ADAM23: variants seen among roughly 807,000 people sequenced by gnomAD.
The protein encoded by ADAM23 is ADAM metallopeptidase domain 23, also known as disintegrin and metalloproteinase domain-containing protein 23.
In ADAM23, 33 loss-of-function variants were observed where a neutral mutation model predicts 120.1. The ratio of observed to expected loss-of-function variants is 0.27; its 90% CI spans 0.21 to 0.37. ADAM23 has a LOEUF of 0.37. Ranked by LOEUF, ADAM23 falls within the 10% of genes least tolerant of loss-of-function variation. ADAM23 has a pLI of 1.00. For synonymous variants in ADAM23, 367 were observed against 375.2 expected (o/e 0.98, Z 0.25); for missense variants, 862 against 1,058.2 (o/e 0.81, Z 2.57).
intron 2 of ADAM23, among the ~76,000 whole-genome samples, chr2:206,451,900 C>CG (rs1204293920): frequency 1.3e-5 from 2 of 152,164 alleles, no homozygotes; most frequent in African/African-American, 4.8e-5. Context: ...GGCTCCCCAG[C>CG]GAGCTTTACT....
At chr2:206,595,253 A>T (rs1698502692) in intron 23 of ADAM23, among the ~76,000 whole-genome samples, 2 of 152,222 alleles carry the variant, frequency 1.3e-5, no homozygotes, top group Admixed American at 1.3e-4. Flanking sequence ...ATTTCAGATT[A>T]AAAAGCTTCC....
At chr2:206,525,575 TTTTG>T (rs909608760) in intron 3 of ADAM23, among the ~76,000 whole-genome samples, 9 of 151,996 alleles carry the variant, frequency 5.9e-5, no homozygotes, top group Non-Finnish European at 1.0e-4. Flanking sequence ...AGAAGCATAT[TTTTG>T]TTTGTTTGTT....
intron 3 of ADAM23, among the ~76,000 whole-genome samples, chr2:206,493,328 ATATT>A (rs1696170047): frequency 6.6e-6 from 1 of 152,220 alleles, no homozygotes; most frequent in Non-Finnish European, 1.5e-5. Flanking sequence ...CCTTAATATA[ATATT>A]TAGATTGTGT....
At chr2:206,536,345 G>A (rs1032307207) in intron 4 of ADAM23, among the ~76,000 whole-genome samples, 20 of 151,966 alleles carry the variant, frequency 1.3e-4, no homozygotes, top group African/African-American at 4.4e-4. Flanking sequence ...AAGCAATTGC[G>A]GTGTTCGCCA....
intron 3 of ADAM23, among the ~76,000 whole-genome samples, chr2:206,518,196 T>G (rs1398972401): frequency 6.6e-6 from 1 of 152,228 alleles, no homozygotes; most frequent in African/African-American, 2.4e-5. Context: ...CACATTATAT[T>G]TAATTAGGAT....
chr2:206,466,682 G>A (rs1412593880), intron 2 of ADAM23, among the ~76,000 whole-genome samples: 1 of 152,136 alleles, frequency 6.6e-6, no homozygotes, highest in Admixed American at 6.5e-5. Context: ...GTATTAGTCT[G>A]TTCTCAAATC....
intron 17 of ADAM23, among the ~76,000 whole-genome samples, chr2:206,572,336 A>G (rs956690531): frequency 1.3e-5 from 2 of 152,202 alleles, no homozygotes; most frequent in Non-Finnish European, 2.9e-5. Context: ...GTGTGTGTGG[A>G]CAGACACAGT....
chr2:206,614,673 GA>G (rs1267983028), intron 25 of ADAM23, among the ~76,000 whole-genome samples: 13 of 151,972 alleles, frequency 8.6e-5, no homozygotes, highest in African/African-American at 3.1e-4. Flanking sequence ...AGAGTTATCT[GA>G]ATGTCAAGTC....
chr2:206,452,458 C>A (rs1279144313), intron 2 of ADAM23, among the ~76,000 whole-genome samples: 9 of 152,138 alleles, frequency 5.9e-5, no homozygotes, highest in Non-Finnish European at 1.3e-4. Context: ...TTCACTTATT[C>A]TCAGGCTTTG....
intron 4 of ADAM23, among the ~76,000 whole-genome samples, chr2:206,531,224 GTAGT>G (rs1378392035): frequency 6.6e-6 from 1 of 152,210 alleles, no homozygotes; most frequent in Non-Finnish European, 1.5e-5. Context: ...GCACCTGAAA[GTAGT>G]TAGTAAAGAA....
intron 24 of ADAM23, among the ~76,000 whole-genome samples, chr2:206,598,099 A>G (rs1574557622): frequency 6.6e-6 from 1 of 152,218 alleles, no homozygotes; most frequent in Admixed American, 6.5e-5. Flanking sequence ...TAAAACTAGA[A>G]CAAAAAATTC....
intron 3 of ADAM23, among the ~76,000 whole-genome samples, chr2:206,495,375 C>T (rs867830825): frequency 6.6e-5 from 10 of 151,192 alleles, no homozygotes; most frequent in Middle Eastern, 7.0e-3. Flanking sequence ...AATTTTCAAC[C>T]CAGAATTTCA....
chr2:206,601,776 A>G (rs2105857927), intron 24 of ADAM23, among the ~76,000 whole-genome samples: 1 of 151,854 alleles, frequency 6.6e-6, no homozygotes, highest in Admixed American at 6.6e-5. Flanking sequence ...CCTTCTCAAA[A>G]AAAAAAAAAA....
intron 9 of ADAM23, among the ~76,000 whole-genome samples, chr2:206,555,826 C>A (rs1041449400): frequency 1.3e-5 from 2 of 152,152 alleles, no homozygotes; most frequent in African/African-American, 4.8e-5. Context: ...CTCTTTCAAT[C>A]CACAATTCAG....
chr2:206,601,511 G>A (rs887387916), intron 24 of ADAM23, among the ~76,000 whole-genome samples: 1 of 152,062 alleles, frequency 6.6e-6, no homozygotes, highest in African/African-American at 2.4e-5. Context: ...AGTGGCTCAC[G>A]CCTGTGATCC....
chr2:206,513,254 G>T (rs1696662962), intron 3 of ADAM23, among the ~76,000 whole-genome samples: 3 of 152,220 alleles, frequency 2.0e-5, no homozygotes, highest in Non-Finnish European at 4.4e-5. Flanking sequence ...GGCCTCTTGA[G>T]TCAGTTAGCA....
chr2:206,489,442 C>T (rs1243135831), intron 3 of ADAM23, among the ~76,000 whole-genome samples: 3 of 151,984 alleles, frequency 2.0e-5, no homozygotes, highest in East Asian at 3.9e-4. Context: ...GGCCTTAGTC[C>T]GAAGGAATTA....
chr2:206,580,162 A>T (rs1345395554), intron 18 of ADAM23, among the ~76,000 whole-genome samples: 1 of 152,174 alleles, frequency 6.6e-6, no homozygotes, highest in Non-Finnish European at 1.5e-5. Context: ...TCATCAGCAA[A>T]CAGTGACAGT....
chr2:206,473,914 G>T (rs1434042276), intron 2 of ADAM23, among the ~76,000 whole-genome samples: 1 of 151,034 alleles, frequency 6.6e-6, no homozygotes, highest in Non-Finnish European at 1.5e-5. Context: ...TTGGGAGGCT[G>T]AGGTGGGAGG....
Sources: allele counts gnomAD v4.1 joint callset (sites outside exome capture counted in the v4.1 genomes callset), GRCh38; gene constraint gnomAD v4.1.1; transcripts MANE v1.5; gene names NCBI Gene and HGNC (gene_info 2026-07-23, HGNC 2026-07-21).